FRY: variants seen among roughly 807,000 people sequenced by gnomAD.
FRY encodes the protein FRY microtubule binding protein.
In FRY, 128 loss-of-function variants were observed where a neutral mutation model predicts 348.4. The ratio of observed to expected loss-of-function variants is 0.37; its 90% CI spans 0.32 to 0.43. The LOEUF is 0.43. Among genes scored for constraint, FRY ranks in the 20% least tolerant of loss-of-function variants. The pLI, the probability that FRY is intolerant of heterozygous loss-of-function variation, is 1.00. For missense variants in FRY, 2,736 were observed against 3,695.2 expected (o/e 0.74, Z 6.73); for synonymous variants, 1,370 against 1,374.7 (o/e 1.00, Z 0.08).
intron 53 of FRY, among the ~76,000 whole-genome samples, chr13:32,265,183 A>G (rs1239611947): frequency 6.6e-6 from 1 of 152,220 alleles, no homozygotes; most frequent in Non-Finnish European, 1.5e-5. Flanking sequence ...TTCATACCCT[A>G]TAAGCATGGG....
intron 17 of FRY, among the ~76,000 whole-genome samples, chr13:32,166,778 A>G (rs1881762674): frequency 6.6e-6 from 1 of 152,090 alleles, no homozygotes; most frequent in African/African-American, 2.4e-5. Context: ...TTGATAGGTG[A>G]TTTCCATTCA....
At chr13:32,263,416 C>A (rs1314495841) in intron 53 of FRY, among the ~76,000 whole-genome samples, 2 of 152,096 alleles carry the variant, frequency 1.3e-5, no homozygotes, top group Non-Finnish European at 2.9e-5. Context: ...CACCAAATTA[C>A]AATTACCTAA....
In FRY at chr13:32,209,117, C is replaced by CA. The variant is rs919657029; in HGVS notation, c.4275+9dup. ...ATGTACATGACGGCCAAGGTAAACT[C>CA]AGAGGAATTGTGCTTCAAATAGCAT... On this transcript the variant is annotated intron_variant, in intron 32 of 60. Coordinates refer to ENST00000542859, the MANE Select transcript of FRY (RefSeq NM_023037.3). The CA allele has an allele frequency of 3.7e-6, 6 of 1,613,822 alleles. No individual in the cohort carries two copies. In the Admixed American group the frequency reaches 1.0e-4, roughly 27 times the overall value.
At chr13:32,171,458 A>G (rs986439714) in intron 18 of FRY, among the ~76,000 whole-genome samples, 188 bp downstream of exon 18, 8 of 151,526 alleles carry the variant, frequency 5.3e-5, no homozygotes, top group Admixed American at 5.3e-4. Flanking sequence ...TTACAGGTGC[A>G]CAACATCACA....
At chr13:32,092,440 G>A (rs1369329490) in intron 2 of FRY, among the ~76,000 whole-genome samples, 1 of 152,152 alleles carries the variant, frequency 6.6e-6, no homozygotes, top group Non-Finnish European at 1.5e-5. Context: ...TGTAATTCGT[G>A]TACACCAAAA....
At chr13:32,032,650 G>T (rs901463573) in intron 1 of FRY, among the ~76,000 whole-genome samples, 1 of 152,126 alleles carries the variant, frequency 6.6e-6, no homozygotes. Context: ...CTAAGCTGCC[G>T]TGGATCTGGA....
At chr13:32,274,064 A>G (rs1362875341) in intron 55 of FRY, among the ~76,000 whole-genome samples, 1 of 152,204 alleles carries the variant, frequency 6.6e-6, no homozygotes, top group Non-Finnish European at 1.5e-5. Flanking sequence ...GGGATACTCA[A>G]CCTGCACAAG....
chr13:32,136,882 C>G lies in FRY; in HGVS notation c.1089C>G (p.Pro363=), dbSNP rs1160135206. 3.8e-6 allele frequency: 6 copies of G among 1,593,708 alleles called. No individual in the cohort carries two copies. Among genetic ancestry groups the G allele is most frequent in the Middle Eastern group, 1.7e-4 (1 of 6,032 alleles). The part of the protein sequence containing the change: ...SRKKHSLALY[P]LVTCLLCVSQ... ...TCCTTTCTCCTCAGGCCTTGTACCCCCTGGTGACCTGTTTGCTCTGTGTCA... is the reference window on the plus strand; with the variant it reads ...TCCTTTCTCCTCAGGCCTTGTACCCGCTGGTGACCTGTTTGCTCTGTGTCA... Residue 363 remains proline, a synonymous_variant, in exon 11 of 61, where the codon CCC becomes CCG. Coordinates refer to ENST00000542859, the MANE Select transcript of FRY (RefSeq NM_023037.3).
chr13:32,080,787 C>T (rs79248216), intron 2 of FRY, among the ~76,000 whole-genome samples: 2,704 of 152,178 alleles, frequency 0.018, 70 homozygotes, highest in African/African-American at 0.06. Context: ...AGTGGTGAGG[C>T]ACAATAAAGA....
At chr13:32,195,342 A>G (rs1883610144) in intron 29 of FRY, among the ~76,000 whole-genome samples, 1 of 152,218 alleles carries the variant, frequency 6.6e-6, no homozygotes, top group South Asian at 2.1e-4. Flanking sequence ...ATTACTAAAA[A>G]ATATACTTTA....
At chr13:32,167,204 A>G (rs897679445) in intron 17 of FRY, among the ~76,000 whole-genome samples, 1 of 152,150 alleles carries the variant, frequency 6.6e-6, no homozygotes, top group African/African-American at 2.4e-5. Context: ...TCATGATTAT[A>G]TTGGTTTGCT....
chr13:32,212,240 C>A, intron 34 of FRY, 52 bp from the exon 35 acceptor site: 2 of 980,974 alleles, frequency 2.0e-6, no homozygotes, highest in Non-Finnish European at 3.2e-6. Flanking sequence ...TTGAGCTTGA[C>A]CCCTCAGCTT....
intron 59 of FRY, among the ~76,000 whole-genome samples, chr13:32,291,847 G>A (rs1284825146): frequency 6.6e-6 from 1 of 152,182 alleles, no homozygotes; most frequent in African/African-American, 2.4e-5. Flanking sequence ...TGCAGATGTG[G>A]TAAAAATAGC....
chr13:32,233,330 T>C (rs1038354451), intron 41 of FRY, among the ~76,000 whole-genome samples: 1 of 152,182 alleles, frequency 6.6e-6, no homozygotes, highest in Non-Finnish European at 1.5e-5. Flanking sequence ...ACAGCCTAAG[T>C]CTCTGTTTTC....
intron 1 of FRY, among the ~76,000 whole-genome samples, chr13:32,046,116 G>A (rs1873003624): frequency 6.6e-6 from 1 of 152,172 alleles, no homozygotes; most frequent in African/African-American, 2.4e-5. Flanking sequence ...CCTTGTTTTA[G>A]GGAGTGACTA....
chr13:32,230,055 A>G (rs1351614982), intron 40 of FRY, among the ~76,000 whole-genome samples: 2 of 152,182 alleles, frequency 1.3e-5, no homozygotes, highest in Non-Finnish European at 2.9e-5. Context: ...ATTGTTTAAA[A>G]TATTTTTTTA....
intron 1 of FRY, among the ~76,000 whole-genome samples, chr13:32,077,912 G>A (rs1382421490): frequency 2.0e-5 from 3 of 152,140 alleles, no homozygotes; most frequent in Non-Finnish European, 4.4e-5. Context: ...CATTCCCAAT[G>A]CCTCTATCCC....
Position 32,125,391 on chromosome 13 carries a change from C to A in FRY, c.716+516C>A, listed in dbSNP as rs79455481. On this transcript the variant is annotated intron_variant, in intron 7 of 60. Transcript: ENST00000542859. Reference sequence around the variant, plus strand: ...CATAGCACTACTTAGCAGGCAAGAACAAAATTGCGTTAGACTATTAGCAAC... The same window carrying A: ...CATAGCACTACTTAGCAGGCAAGAAAAAAATTGCGTTAGACTATTAGCAAC... Among the ~76,000 whole-genome samples the A allele has an allele frequency of 4.5e-3, 679 of 152,302 alleles. 12 individuals carry two copies. In the East Asian group the frequency reaches 0.045, roughly 10 times the overall value.
chr13:32,174,651 C>T (rs899955600), intron 19 of FRY, among the ~76,000 whole-genome samples: 26 of 152,116 alleles, frequency 1.7e-4, no homozygotes, highest in African/African-American at 6.0e-4. Flanking sequence ...ATGCCTCTAA[C>T]GCCCCACTTC....
Sources: allele counts gnomAD v4.1 joint callset (sites outside exome capture counted in the v4.1 genomes callset), GRCh38; gene constraint gnomAD v4.1.1; transcripts MANE v1.5; gene names NCBI Gene and HGNC (gene_info 2026-07-23, HGNC 2026-07-21).